Variants in RARB observed in about 807,000 individuals in gnomAD.
RARB encodes the protein HBV-activated protein.
A neutral mutation model predicts 51.9 loss-of-function variants in RARB; 17 were observed. The observed-to-expected ratio is 0.33, with a 90% CI of 0.22 to 0.49. The LOEUF is 0.49. Among genes scored for constraint, RARB ranks in the 20% least tolerant of loss-of-function variants. The pLI, the probability that RARB is intolerant of heterozygous loss-of-function variation, is 0.99. For missense variants in RARB, 369 were observed against 550.8 expected, an observed-to-expected ratio of 0.67 and a Z score of 3.30; for synonymous variants, 215 against 195.4, an observed-to-expected ratio of 1.10 and a Z score of -0.84.
chr3:24,910,105 G>T (rs989941247), intron 2 of RARB, among the ~76,000 whole-genome samples: 1 of 151,938 alleles, frequency 6.6e-6, no homozygotes, highest in African/African-American at 2.4e-5. Context: ...CCCCATTTTT[G>T]GCAAAGGATT....
rs13314720 is a variant in RARB at position 25,108,016 on chromosome 3, C to T, written c.-327-24145C>T. Among the ~76,000 whole-genome samples the T allele has an allele frequency of 4.9e-3, 747 of 152,238 alleles. 8 individuals carry two copies. Among genetic ancestry groups the T allele is most frequent in the African/African-American group, 0.017 (727 of 41,546 alleles). On this transcript the variant is annotated intron_variant, in intron 3 of 11. Transcript: ENST00000383772. ...TTAAGTAAAATAAGGTTTACTTGAA[C>T]ACAAACACTGTGATACCTTAACAGT...
chr3:25,158,859 CA>C (rs1196654093), intron 4 of RARB, among the ~76,000 whole-genome samples: 1 of 152,076 alleles, frequency 6.6e-6, no homozygotes, highest in Non-Finnish European at 1.5e-5. Context: ...TCTAGGTCCT[CA>C]GAGTTCTGTA....
chr3:25,577,426 G>A (rs927755670), intron 4 of RARB, among the ~76,000 whole-genome samples: 5 of 152,198 alleles, frequency 3.3e-5, no homozygotes, highest in Admixed American at 6.5e-5. Flanking sequence ...GAATGTGGGT[G>A]ACAGGGATGG....
At chr3:25,531,518 C>G (rs1286760) in intron 3 of RARB, among the ~76,000 whole-genome samples, 2 of 151,788 alleles carry the variant, frequency 1.3e-5, no homozygotes, top group African/African-American at 4.8e-5. Context: ...GGTAGTTTCT[C>G]TGGTGATAAT....
chr3:25,022,785 A>C (rs1253726077), intron 2 of RARB, among the ~76,000 whole-genome samples: 1 of 152,182 alleles, frequency 6.6e-6, no homozygotes, highest in Non-Finnish European at 1.5e-5. Flanking sequence ...GCATTGTGTA[A>C]AGATGAGTGG....
At chr3:25,223,709 A>G (rs1701995884) in intron 5 of RARB, among the ~76,000 whole-genome samples, 1 of 152,236 alleles carries the variant, frequency 6.6e-6, no homozygotes, top group Non-Finnish European at 1.5e-5. Flanking sequence ...AGAGTAAAAT[A>G]TAAAGAGAAA....
upstream of RARB, among the ~76,000 whole-genome samples, chr3:25,423,469 A>G (rs1707911739): frequency 1.3e-5 from 2 of 152,250 alleles, no homozygotes. Context: ...GCAGAGCAAT[A>G]TGTATCATAA....
chr3:25,111,683 A>G (rs763628767), intron 3 of RARB, among the ~76,000 whole-genome samples: 1 of 150,400 alleles, frequency 6.6e-6, no homozygotes, highest in Non-Finnish European at 1.5e-5. Flanking sequence ...GGTTCAAGCA[A>G]TTCTCCTGCC....
Position 24,961,405 on chromosome 3 carries a change from C to T in RARB, c.-379-98720C>T, listed in dbSNP as rs1030152460. On this transcript the variant is annotated intron_variant, in intron 2 of 11. Transcript: ENST00000383772. ...CTAACAGACTAACGGCTTCATCACT[C>T]AGCTTCATGGATATGAACTGATGCT... 2.6e-5 allele frequency among the ~76,000 whole-genome samples: 4 copies of T among 152,212 alleles called. No homozygotes were observed. In the East Asian group the frequency reaches 5.8e-4, roughly 22 times the overall value.
chr3:24,976,024 G>C (rs1303248444), intron 2 of RARB, among the ~76,000 whole-genome samples: 1 of 152,130 alleles, frequency 6.6e-6, no homozygotes, highest in Non-Finnish European at 1.5e-5. Context: ...GCGGTGTTTG[G>C]TTTTCTGTCC....
At chr3:24,867,436 A>C (rs537166242) in intron 2 of RARB, among the ~76,000 whole-genome samples, 1 of 152,258 alleles carries the variant, frequency 6.6e-6, no homozygotes, top group South Asian at 2.1e-4. Context: ...TCCTAGGAAA[A>C]GCTTGAGGGA....
At chr3:25,191,018 G>T (rs550859803) in intron 5 of RARB, among the ~76,000 whole-genome samples, 1 of 150,764 alleles carries the variant, frequency 6.6e-6, no homozygotes, top group African/African-American at 2.4e-5. Flanking sequence ...TTAGGTTCAC[G>T]TTTGTTTTGT....
intron 5 of RARB, among the ~76,000 whole-genome samples, chr3:25,293,597 T>TAAAAAAAAAAAAAAA (rs10713675): frequency 0.039 from 2,674 of 68,350 alleles, 577 homozygotes; most frequent in East Asian, 0.078. Flanking sequence ...TTACTCCATT[T>TAAAAAAAAAAAAAAA]AAAAAAAAAA....
At position 24,867,215 on chromosome 3, in the gene RARB, T is replaced by C. The variant is rs1363623209; in HGVS notation, c.-380+8463T>C. Among the ~76,000 whole-genome samples, 6 of 152,164 alleles carry C rather than the reference T, an allele frequency of 3.9e-5. No homozygotes were observed. In the East Asian group the frequency reaches 7.7e-4, roughly 20 times the overall value. On this transcript the variant is annotated intron_variant, in intron 2 of 11. Coordinates refer to the RARB transcript ENST00000383772. ...CTCCTAGCCTTACAAAGGTGGTCTC[T>C]CATTGGCCTTACAAAGGTGGTTAAG... is the stretch of plus-strand genomic sequence containing the variant.
At chr3:25,399,923 G>A (rs1707219044) in intron 5 of RARB, among the ~76,000 whole-genome samples, 1 of 152,144 alleles carries the variant, frequency 6.6e-6, no homozygotes, top group Admixed American at 6.6e-5. Context: ...TTATGGTTAG[G>A]TTTTTATAAC....
chr3:25,448,040 A>C (rs1046008194), intron 1 of RARB, among the ~76,000 whole-genome samples: 1 of 152,086 alleles, frequency 6.6e-6, no homozygotes, highest in Admixed American at 6.5e-5. Flanking sequence ...ACAATGATGC[A>C]ATGAAGAATA....
intron 5 of RARB, among the ~76,000 whole-genome samples, chr3:25,222,798 T>G (rs914229626): frequency 7.9e-5 from 12 of 152,204 alleles, no homozygotes; most frequent in African/African-American, 2.7e-4. Flanking sequence ...TCATAGTGAT[T>G]TTTTATTCTC....
At chr3:25,056,599 C>G (rs114380126) in intron 2 of RARB, among the ~76,000 whole-genome samples, 3 of 152,046 alleles carry the variant, frequency 2.0e-5, no homozygotes, top group South Asian at 4.1e-4. Context: ...AATAGATCCT[C>G]TTAGTAGCAG....
intron 5 of RARB, among the ~76,000 whole-genome samples, chr3:25,271,011 C>G (rs1229941870): frequency 6.6e-6 from 1 of 151,884 alleles, no homozygotes; most frequent in East Asian, 1.9e-4. Context: ...TCTTTTATTC[C>G]ATAAGTACAT....
Sources: gnomAD v4.1 joint callset for allele counts (sites outside exome capture counted in the v4.1 genomes callset) on GRCh38, gnomAD v4.1.1 for gene constraint, MANE v1.5 for transcripts, NCBI Gene and HGNC (gene_info 2026-07-23, HGNC 2026-07-21) for gene names.